GAB3: variants seen among roughly 807,000 people sequenced by gnomAD.
GAB3 encodes the protein GRB2-associated-binding protein 3.
In GAB3, 12 loss-of-function variants were observed where a neutral mutation model predicts 40.4. The observed-to-expected ratio is 0.30, with a 90% CI of 0.19 to 0.48. GAB3 has a LOEUF of 0.48. Among genes scored for constraint, GAB3 ranks in the 20% least tolerant of loss-of-function variants. The pLI is 0.99. For synonymous variants in GAB3, 154 were observed against 176.7 expected, an observed-to-expected ratio of 0.87 and a Z score of 1.02; for missense variants, 381 against 461.9, an observed-to-expected ratio of 0.82 and a Z score of 1.61.
At chrX:154,697,369 A>T (rs1479698074) in intron 6 of GAB3, among the ~76,000 whole-genome samples, 156 bp from the exon 7 acceptor site, 2 of 112,133 alleles carry the variant, frequency 1.8e-5, no homozygotes, top group African/African-American at 3.2e-5. Flanking sequence ...TCCCTGCCTC[A>T]CTGGGAGTAA....
chrX:154,717,971 C>G (rs1284305713), intron 1 of GAB3, among the ~76,000 whole-genome samples: 2 of 111,538 alleles, frequency 1.8e-5, no homozygotes, highest in African/African-American at 6.5e-5. Context: ...GACGGCTGAC[C>G]GCAGGGAGAT....
chrX:154,698,067 C>T (rs956488471), intron 6 of GAB3, among the ~76,000 whole-genome samples: 1 of 112,327 alleles, frequency 8.9e-6, no homozygotes, highest in Non-Finnish European at 1.9e-5. Flanking sequence ...CCCATTTAGA[C>T]ATATATGTAC....
intron 8 of GAB3, among the ~76,000 whole-genome samples, chrX:154,694,675 G>C (rs906678459): frequency 7.1e-5 from 8 of 112,290 alleles, no homozygotes; most frequent in Non-Finnish European, 1.1e-4. Flanking sequence ...TTACAGGCGT[G>C]AGCCACCGCG....
chrX:154,691,860 T>C (rs782165295), intron 8 of GAB3, among the ~76,000 whole-genome samples: 26 of 111,888 alleles, frequency 2.3e-4, no homozygotes, highest in African/African-American at 6.8e-4. Context: ...CTTGCATATA[T>C]TGATTTTCAA....
intron 9 of GAB3, chrX:154,679,033 T>A (rs1270777575): frequency 7.1e-6 from 2 of 282,250 alleles, no homozygotes; most frequent in African/African-American, 2.8e-5. Context: ...GATGTGCAAC[T>A]GTAGTACCAG....
Position 154,712,660 on chromosome X carries a change from G to A in GAB3, c.638C>T (p.Ser213Leu), listed in dbSNP as rs924308874. 5 of 1,132,281 alleles carry A rather than the reference G, an allele frequency of 4.4e-6. No homozygotes were observed. In the African/African-American group the frequency reaches 7.4e-5, roughly 17 times the overall value. The allele number at this position is 1,132,281 out of a possible 1,213,427, so 93.3% of individuals were successfully genotyped here. The change falls in exon 4 of 10, where the codon TCA (serine) becomes TTA (leucine). Residue 213 changes from serine to leucine, a missense_variant. Ser to Leu is a moderately radical substitution (Grantham distance 145, BLOSUM62 -2). Transcript: ENST00000424127. The stretch of plus-strand genomic sequence containing the variant: ...ATCATCAAATGAAGCCTGTTCCAAT[G>A]AACGGTCTGAGTTTGACCAGCTATC... ...RCDSWSNSDR[S>L]LEQASFDDVF...
At chrX:154,712,134 T>C (rs782431504) in intron 4 of GAB3, 95 bp downstream of exon 4, 8 of 600,988 alleles carry the variant, frequency 1.3e-5, no homozygotes, top group Non-Finnish European at 2.1e-5. Context: ...CCCAGCCCCA[T>C]CGTTTTGGTC....
chrX:154,749,135 G>A (rs1234814065), intron 1 of GAB3, among the ~76,000 whole-genome samples: 1 of 110,964 alleles, frequency 9.0e-6, no homozygotes, highest in Admixed American at 9.6e-5. Flanking sequence ...ATCATCACAC[G>A]CCCCACATAT....
chrX:154,748,738 T>A (rs1447603168), intron 1 of GAB3, among the ~76,000 whole-genome samples: 8 of 112,303 alleles, frequency 7.1e-5, no homozygotes, highest in African/African-American at 2.6e-4. Context: ...GTTACTATTA[T>A]AAATGTTAAA....
intron 1 of GAB3, among the ~76,000 whole-genome samples, chrX:154,716,769 C>G (rs1477880977): frequency 1.8e-5 from 2 of 111,913 alleles, no homozygotes; most frequent in Middle Eastern, 4.6e-3. Context: ...CAGTATCTTC[C>G]AACATTGCTA....
At chrX:154,725,065 G>A (rs781824180) in intron 1 of GAB3, among the ~76,000 whole-genome samples, 3 of 111,835 alleles carry the variant, frequency 2.7e-5, no homozygotes, top group South Asian at 7.5e-4. Flanking sequence ...GGAAGACATC[G>A]TGAAAAGACA....
At chrX:154,703,591 C>A (rs1569557604) in intron 4 of GAB3, among the ~76,000 whole-genome samples, 2 of 111,706 alleles carry the variant, frequency 1.8e-5, no homozygotes, top group African/African-American at 3.3e-5. Context: ...AGTCAACAAA[C>A]CCCTATGACA....
chrX:154,749,499 T>C (rs1457122126), intron 1 of GAB3, among the ~76,000 whole-genome samples: 2 of 112,202 alleles, frequency 1.8e-5, no homozygotes, highest in Non-Finnish European at 3.8e-5. Flanking sequence ...TTCTCTTGCC[T>C]CCTTTGAGTA....
rs142003848 is a variant in GAB3, at chrX:154,737,483, G to A, written c.72+13471C>T. Among the ~76,000 whole-genome samples the A allele has an allele frequency of 7.5e-3, 836 of 110,857 alleles. 8 individuals are homozygous for A. The highest frequency in any genetic ancestry group is 0.026 in the African/African-American group (802 of 30,373). ...CTCCTTGGATAATCTCATCCACCCCGATAACTTTAACTACTTCCTATACCC... is the reference window on the plus strand; with the variant it reads ...CTCCTTGGATAATCTCATCCACCCCAATAACTTTAACTACTTCCTATACCC... On this transcript the variant is annotated intron_variant, in intron 1 of 9. Coordinates refer to ENST00000424127, the MANE Select transcript of GAB3 (RefSeq NM_001081573.3).
intron 6 of GAB3, 28 bp downstream of exon 6, chrX:154,699,266 T>C: frequency 8.8e-7 from 1 of 1,134,807 alleles, no homozygotes; most frequent in African/African-American, 1.8e-5. Flanking sequence ...CCCCTACCCC[T>C]GTACAGCAGG....
At chrX:154,710,085 A>AT (rs2070908625) in intron 4 of GAB3, among the ~76,000 whole-genome samples, 2 of 101,011 alleles carry the variant, frequency 2.0e-5, no homozygotes, top group South Asian at 1.3e-3. Context: ...GCATATGCAT[A>AT]TCAAATCATC....
At chrX:154,714,157 A>G (rs782114449) in intron 2 of GAB3, among the ~76,000 whole-genome samples, 2 of 111,129 alleles carry the variant, frequency 1.8e-5, no homozygotes, top group Admixed American at 9.6e-5. Context: ...TCAGGAATCA[A>G]TGAGAACTCC....
chrX:154,723,121 C>G (rs1603426904), intron 1 of GAB3, among the ~76,000 whole-genome samples: 1 of 111,402 alleles, frequency 9.0e-6, no homozygotes, highest in East Asian at 2.8e-4. Flanking sequence ...CTCAGGTGAC[C>G]TGCCTGCCTC....
chrX:154,679,714 C>G (rs1386791679), intron 9 of GAB3, among the ~76,000 whole-genome samples: 1 of 111,569 alleles, frequency 9.0e-6, no homozygotes, highest in Non-Finnish European at 1.9e-5. Flanking sequence ...GGTAGCTGCC[C>G]AACTCAGCAT....
Sources: gnomAD v4.1 joint callset for allele counts (sites outside exome capture counted in the v4.1 genomes callset) on GRCh38, gnomAD v4.1.1 for gene constraint, MANE v1.5 for transcripts, NCBI Gene and HGNC (gene_info 2026-07-23, HGNC 2026-07-21) for gene names.